PHF21A: variants seen among roughly 807,000 people sequenced by gnomAD.
PHF21A encodes the protein PHD finger protein 21A, also known as BHC80a.
In PHF21A, 11 loss-of-function variants were observed where a neutral mutation model predicts 82.5. The observed-to-expected ratio is 0.13, with a 90% confidence interval of 0.08 to 0.22. The LOEUF (loss-of-function observed/expected upper bound fraction) is 0.22, where lower values mean the gene tolerates loss of function less well. Among genes scored for constraint, PHF21A ranks in the 10% least tolerant of loss-of-function variants. The pLI is 1.00. For missense variants in PHF21A, 579 were observed against 837.8 expected (o/e 0.69, Z 3.81); for synonymous variants, 297 against 302.8 (o/e 0.98, Z 0.20).
chr11:45,990,725 A>G lies in PHF21A; in HGVS notation c.154-10759T>C, dbSNP rs200100464. 2.4e-5 allele frequency among the ~76,000 whole-genome samples: 3 copies of G among 124,342 alleles called. No homozygotes were observed. In the Admixed American group the frequency reaches 2.4e-4, roughly 10 times the overall value. 81.6% of individuals were successfully genotyped at this position (124,342 alleles called of 152,430 possible). A position where few individuals can be genotyped will look rare whatever the true frequency, so the allele number is the denominator to read the frequency against. The stretch of plus-strand genomic sequence containing the variant: ...GTCCCTTGATTTGTTTTTTTTTTTT[A>G]AAGAAGACTTTATTTTTAGAGCAGT... On this transcript the variant is annotated intron_variant, in intron 6 of 18. Coordinates refer to ENST00000676320, the MANE Select transcript of PHF21A (RefSeq NM_001352027.3).
rs187674519 is a variant in PHF21A at position 45,964,644 on chromosome 11, C to A, written c.996+671G>T. 1.1e-4 allele frequency among the ~76,000 whole-genome samples: 16 copies of A among 152,158 alleles called. No homozygotes were observed. The East Asian group carries it at 3.1e-3, about 29-fold the overall frequency. ...CACTAGTCGTTTTTCAAATAGGATA[C>A]GGTGACTGCCTATAAATCCTTCTTG... On this transcript the variant is annotated intron_variant, in intron 10 of 18. Transcript: ENST00000676320.
chr11:45,973,267 C>G lies in PHF21A; in HGVS notation c.361-1900G>C, dbSNP rs192404413. 3.1e-3 allele frequency among the ~76,000 whole-genome samples: 477 copies of G among 152,286 alleles called. 2 individuals are homozygous for G. The highest frequency in any genetic ancestry group is 0.011 in the African/African-American group (456 of 41,558). ...GGTATTTCCAACATCACAGAAAGTT[C>G]TATCACTGTGCAATACCAGTGAAAA... On this transcript the variant is annotated intron_variant, in intron 7 of 18. Coordinates refer to ENST00000676320, the MANE Select transcript of PHF21A (RefSeq NM_001352027.3).
At chr11:46,060,871 G>A (rs536801793) in intron 6 of PHF21A, among the ~76,000 whole-genome samples, 17 of 152,216 alleles carry the variant, frequency 1.1e-4, no homozygotes, top group South Asian at 4.1e-4. Context: ...CACCTTCATC[G>A]TGAAATCTGT....
intron 10 of PHF21A, among the ~76,000 whole-genome samples, chr11:45,964,969 T>C (rs936156204): frequency 2.6e-5 from 4 of 152,230 alleles, no homozygotes; most frequent in South Asian, 2.1e-4. Flanking sequence ...TGGATTCTTA[T>C]TGGGCCGAAA....
Position 46,121,203 on chromosome 11 carries a change from TGGG to T in PHF21A, c.-508_-506del, listed in dbSNP as rs1431213412. On this transcript the variant is annotated 5_prime_UTR_variant, in exon 1 of 19. Coordinates refer to ENST00000676320, the MANE Select transcript of PHF21A (RefSeq NM_001352027.3). The stretch of plus-strand genomic sequence containing the variant: ...CTCACTCTCTCTCTCTCTCTCTCTC[TGGG>T]CTGTTTCTTTCCTCCTCTTCCCCAG... The T allele has an allele frequency of 6.1e-5, 8 of 131,024 alleles. No individual in the cohort carries two copies. Among genetic ancestry groups the T allele is most frequent in the South Asian group, 2.9e-4 (1 of 3,430 alleles). The allele number at this position is 131,024 out of a possible 1,614,324, so 8.1% of individuals were successfully genotyped here.
At chr11:46,083,985 A>G (rs182894062) in intron 4 of PHF21A, among the ~76,000 whole-genome samples, 181 bp downstream of exon 4, 1 of 152,364 alleles carries the variant, frequency 6.6e-6, no homozygotes, top group East Asian at 1.9e-4. Flanking sequence ...GGAATACTTT[A>G]AGTTCTTAAA....
intron 6 of PHF21A, among the ~76,000 whole-genome samples, chr11:46,026,145 C>T (rs1421926537): frequency 1.3e-5 from 2 of 152,138 alleles, no homozygotes; most frequent in South Asian, 2.1e-4. Context: ...AACCAAAATA[C>T]CAAAATATCC....
chr11:45,953,321 A>T (rs2092340797), intron 11 of PHF21A, among the ~76,000 whole-genome samples: 1 of 152,250 alleles, frequency 6.6e-6, no homozygotes, highest in South Asian at 2.1e-4. Context: ...ATGCCTATGT[A>T]CTAGTGCATG....
intron 1 of PHF21A, among the ~76,000 whole-genome samples, chr11:46,097,293 T>A: frequency 6.6e-6 from 1 of 151,998 alleles, no homozygotes; most frequent in Non-Finnish European, 1.5e-5. Context: ...AAAGATGAAG[T>A]TCCTTTCAAT....
chr11:46,009,374 C>A (rs772521775), intron 6 of PHF21A, among the ~76,000 whole-genome samples: 2 of 152,146 alleles, frequency 1.3e-5, no homozygotes, highest in Non-Finnish European at 1.5e-5. Context: ...TTTGAGGGTT[C>A]TGACACATTC....
chr11:46,076,720 G>A lies in PHF21A; in HGVS notation c.153+34C>T, dbSNP rs199576324. On this transcript the variant is annotated intron_variant, in intron 6 of 18. Coordinates refer to ENST00000676320, the MANE Select transcript of PHF21A (RefSeq NM_001352027.3). ...AGCAGACATATCTTTAGAACACAAC[G>A]TTAAAAATATGCCCCCCTCCCCTTT... is the stretch of plus-strand genomic sequence containing the variant. 1.6e-4 allele frequency: 250 copies of A among 1,559,290 alleles called. 3 individuals carry two copies. In the East Asian group the frequency reaches 5.1e-3, roughly 32 times the overall value.
chr11:45,981,946 T>C (rs1240999541), intron 6 of PHF21A, among the ~76,000 whole-genome samples: 52 of 136,408 alleles, frequency 3.8e-4, no homozygotes, highest in African/African-American at 1.3e-3. Context: ...TTTTCTTTTT[T>C]TTTTTTTTTT....
chr11:46,039,661 G>T (rs1185216852), intron 6 of PHF21A, among the ~76,000 whole-genome samples: 2 of 152,086 alleles, frequency 1.3e-5, no homozygotes, highest in African/African-American at 4.8e-5. Context: ...GATCTACGAA[G>T]GCTGAATTAA....
chr11:46,016,556 C>G (rs537804396), intron 6 of PHF21A, among the ~76,000 whole-genome samples: 9 of 152,216 alleles, frequency 5.9e-5, no homozygotes, highest in Non-Finnish European at 4.4e-5. Context: ...TTACATAAAC[C>G]CTTCCCTAAT....
intron 6 of PHF21A, among the ~76,000 whole-genome samples, chr11:46,016,905 C>A (rs1253615058): frequency 1.3e-5 from 2 of 151,860 alleles, no homozygotes; most frequent in Non-Finnish European, 2.9e-5. Flanking sequence ...TGGGGCAAAT[C>A]AACATGATGT....
chr11:46,025,122 A>T (rs1051506450), intron 6 of PHF21A, among the ~76,000 whole-genome samples: 1 of 152,162 alleles, frequency 6.6e-6, no homozygotes, highest in South Asian at 2.1e-4. Context: ...CTTTCTCTGA[A>T]AGAGATAACA....
intron 1 of PHF21A, among the ~76,000 whole-genome samples, chr11:46,094,893 C>T (rs928052474): frequency 3.9e-5 from 6 of 151,978 alleles, no homozygotes; most frequent in African/African-American, 1.2e-4. Context: ...AGTGAGTCTC[C>T]GTCCCAAAAA....
At chr11:45,938,787 A>G (rs2089718757) in intron 15 of PHF21A, among the ~76,000 whole-genome samples, 1 of 152,110 alleles carries the variant, frequency 6.6e-6, no homozygotes, top group African/African-American at 2.4e-5. Flanking sequence ...ACTATGCGTA[A>G]CTGAAACAAT....
intron 12 of PHF21A, 109 bp from the exon 13 acceptor site, chr11:45,949,590 A>T: frequency 1.1e-6 from 1 of 936,526 alleles, no homozygotes. Context: ...AATCAGGGAC[A>T]AGTCTCTGTT....
Sources: gnomAD v4.1 joint callset for allele counts (sites outside exome capture counted in the v4.1 genomes callset) on GRCh38, gnomAD v4.1.1 for gene constraint, MANE v1.5 for transcripts, NCBI Gene and HGNC (gene_info 2026-07-23, HGNC 2026-07-21) for gene names.